The following TENM2 variants were observed in gnomAD, a reference collection of about 807,000 sequenced individuals.
TENM2 encodes teneurin-2.
Under a neutral mutation model 245.2 loss-of-function variants are expected in TENM2, and 52 were observed. The observed-to-expected ratio is 0.21, with a 90% confidence interval of 0.17 to 0.27. The LOEUF (loss-of-function observed/expected upper bound fraction) is 0.27, where lower values mean the gene tolerates loss of function less well. TENM2 is among the 10% of genes least tolerant of loss of function. TENM2 has a pLI of 1.00. For synonymous variants in TENM2, 1,363 were observed against 1,438.9 expected (o/e 0.95, Z 1.19); for missense variants, 3,046 against 3,666.8 (o/e 0.83, Z 4.37).
chr5:168,015,301 CA>C (rs371730186), intron 5 of TENM2, among the ~76,000 whole-genome samples: 33 of 152,292 alleles, frequency 2.2e-4, no homozygotes, highest in African/African-American at 7.9e-4. Context: ...TGGTGGACAG[CA>C]GGCATTATTA....
intron 4 of TENM2, among the ~76,000 whole-genome samples, chr5:167,953,928 A>G (rs1184925450): frequency 1.3e-5 from 2 of 152,134 alleles, no homozygotes; most frequent in Non-Finnish European, 2.9e-5. Flanking sequence ...CTTTGTCACT[A>G]TAATCACTCC....
chr5:167,401,109 T>C lies in TENM2; in HGVS notation c.502+25636T>C, dbSNP rs1762344481. Among the ~76,000 whole-genome samples, 3 of 151,740 alleles carry C rather than the reference T, an allele frequency of 2.0e-5. No homozygotes were observed. In the South Asian group the frequency reaches 6.3e-4, roughly 32 times the overall value. ...TCTGTCTCTTAAAAAATAAAGAAAT[T>C]TTTACAAAACCTAACAAAGAGGAGG... On this transcript the variant is annotated intron_variant, in intron 2 of 28. Transcript: ENST00000518659.
chr5:167,674,468 A>G (rs1756175272), intron 2 of TENM2, among the ~76,000 whole-genome samples: 1 of 152,106 alleles, frequency 6.6e-6, no homozygotes. Context: ...ATTTTTTCCC[A>G]TGGAGGCAGA....
intron 9 of TENM2, among the ~76,000 whole-genome samples, chr5:168,118,006 T>G (rs1795201728): frequency 6.6e-6 from 1 of 152,200 alleles, no homozygotes; most frequent in Non-Finnish European, 1.5e-5. Context: ...GACTGTAGCC[T>G]CCACCTCATA....
rs1158024662 is a variant in TENM2 at position 168,244,575 on chromosome 5, C to T, written c.5676C>T (p.Asn1892=). Residue 1892 remains asparagine, a synonymous_variant, in exon 26 of 29, where the codon AAC becomes AAT. Transcript: ENST00000518659. The surrounding 1 kb of genome is among the most constrained non-coding windows in gnomAD (Gnocchi z 4.9). ...CCAGCAGCGGGCTGGCAGCTGTCAA[C>T]GTGTCATACTTCTTCAATGGGCGCC... The T allele has an allele frequency of 7.4e-6, 12 of 1,611,252 alleles. No homozygotes were observed. The East Asian group carries it at 1.8e-4, about 24-fold the overall frequency.
intron 2 of TENM2, among the ~76,000 whole-genome samples, chr5:167,703,781 G>T (rs1276235346): frequency 6.6e-6 from 1 of 152,120 alleles, no homozygotes; most frequent in Non-Finnish European, 1.5e-5. Flanking sequence ...CAGCAACTTA[G>T]GTCTTTTCGT....
chr5:167,761,462 A>G (rs1019519244), intron 2 of TENM2, among the ~76,000 whole-genome samples: 1 of 152,120 alleles, frequency 6.6e-6, no homozygotes, highest in African/African-American at 2.4e-5. Context: ...AAAAGACCCA[A>G]TATTATATTT....
At chr5:167,452,950 T>TATATATATTAA (rs1554157770) in intron 2 of TENM2, among the ~76,000 whole-genome samples, 1 of 99,630 alleles carries the variant, frequency 1.0e-5, no homozygotes. Flanking sequence ...TATATATATA[T>TATATATATTAA]ATATATATAT....
chr5:167,244,808 A>C, the TENM2 span, among the ~76,000 whole-genome samples: 2 of 152,130 alleles, frequency 1.3e-5, no homozygotes, highest in South Asian at 2.1e-4. Flanking sequence ...CATCACTTGG[A>C]TGCACCCAGA....
chr5:167,906,604 G>GTC (rs1440251300), intron 3 of TENM2, among the ~76,000 whole-genome samples: 1 of 152,200 alleles, frequency 6.6e-6, no homozygotes, highest in Admixed American at 6.5e-5. Context: ...AGGCTTAAGA[G>GTC]TCAGGATCTT....
At chr5:167,045,014 G>C in the TENM2 span, among the ~76,000 whole-genome samples, 1 of 152,120 alleles carries the variant, frequency 6.6e-6, no homozygotes, top group Non-Finnish European at 1.5e-5. Flanking sequence ...ATGGGGAAGA[G>C]AACACTAGAA....
At chr5:168,114,812 C>T (rs755972831) in intron 9 of TENM2, among the ~76,000 whole-genome samples, 4 of 152,184 alleles carry the variant, frequency 2.6e-5, no homozygotes, top group African/African-American at 7.2e-5. Context: ...AGGAAGGCTG[C>T]GTTTGGAAGG....
At position 168,143,154 on chromosome 5, in the gene TENM2, G is replaced by T. The variant is rs570110206; in HGVS notation, c.2422+16188G>T. Among the ~76,000 whole-genome samples, 17 of 152,202 alleles carry T rather than the reference G, an allele frequency of 1.1e-4. No homozygotes were observed. In the South Asian group the frequency reaches 3.3e-3, roughly 30 times the overall value. ...TTCTCTTGAGTTTTGGAGCATTCAGGCTTGAACAAGGGATTTTTTGGCCTG... is the reference window on the plus strand; with the variant it reads ...TTCTCTTGAGTTTTGGAGCATTCAGTCTTGAACAAGGGATTTTTTGGCCTG... On this transcript the variant is annotated intron_variant, in intron 12 of 28. Coordinates refer to ENST00000518659, the Ensembl canonical transcript of TENM2.
intron 2 of TENM2, among the ~76,000 whole-genome samples, chr5:167,764,217 A>G (rs1024334510): frequency 1.3e-5 from 2 of 152,104 alleles, no homozygotes; most frequent in Non-Finnish European, 2.9e-5. Context: ...TTTAAGCTAC[A>G]TGCTGCTATC....
intron 9 of TENM2, among the ~76,000 whole-genome samples, chr5:168,102,566 C>T (rs1331806815): frequency 1.3e-5 from 2 of 152,152 alleles, no homozygotes; most frequent in Admixed American, 1.3e-4. Flanking sequence ...CACACATAAG[C>T]CTGGCGTCTG....
chr5:167,404,139 A>G (rs1762507096), intron 2 of TENM2, among the ~76,000 whole-genome samples: 1 of 152,068 alleles, frequency 6.6e-6, no homozygotes, highest in African/African-American at 2.4e-5. Context: ...AAGATGTGCC[A>G]TCTGTGCCTC....
At chr5:167,970,578 A>C (rs1781702874) in intron 4 of TENM2, among the ~76,000 whole-genome samples, 1 of 152,138 alleles carries the variant, frequency 6.6e-6, no homozygotes, top group Non-Finnish European at 1.5e-5. Flanking sequence ...CATGAATGGG[A>C]AACATTTAAC....
At chr5:167,255,751 A>G in the TENM2 span, among the ~76,000 whole-genome samples, 1 of 152,190 alleles carries the variant, frequency 6.6e-6, no homozygotes, top group African/African-American at 2.4e-5. Flanking sequence ...AATAGAAAAT[A>G]AAGAATATGT....
In TENM2 at chr5:167,704,604, G is replaced by A. The variant is rs191798204; in HGVS notation, c.503-171382G>A. Among the ~76,000 whole-genome samples, 59 of 152,246 alleles carry A rather than the reference G, an allele frequency of 3.9e-4. No individual in the cohort carries two copies. In the East Asian group the frequency reaches 0.01, roughly 26 times the overall value. Reference sequence around the variant, plus strand: ...TGGGATTGAGTACAGAAATAGCAATGAAGGAAGAGGGCAGTACAGGCCAGA... The same window carrying A: ...TGGGATTGAGTACAGAAATAGCAATAAAGGAAGAGGGCAGTACAGGCCAGA... On this transcript the variant is annotated intron_variant, in intron 2 of 28. Transcript: ENST00000518659.
Sources: allele counts gnomAD v4.1 joint callset (sites outside exome capture counted in the v4.1 genomes callset), GRCh38; gene constraint gnomAD v4.1.1; non-coding constraint Gnocchi (gnomAD v3.1); transcripts MANE v1.5; gene names NCBI Gene and HGNC (gene_info 2026-07-23, HGNC 2026-07-21).